The following MAGI1 variants were observed in gnomAD, a reference collection of about 807,000 sequenced individuals.
MAGI1 encodes membrane-associated guanylate kinase, WW and PDZ domain-containing protein 1.
A neutral mutation model predicts 139.9 loss-of-function variants in MAGI1; 58 were observed. That is an observed-to-expected ratio of 0.41 (90% CI 0.34 to 0.52). The LOEUF (loss-of-function observed/expected upper bound fraction) is 0.52, where lower values mean the gene tolerates loss of function less well. MAGI1 is among the 20% of genes least tolerant of loss of function. The pLI, the probability that MAGI1 is intolerant of heterozygous loss-of-function variation, is 0.12. For missense variants in MAGI1, 1,874 were observed against 1,901.6 expected (o/e 0.99, Z 0.27); for synonymous variants, 812 against 737.9 (o/e 1.10, Z -1.63).
At chr3:65,747,041 C>G (rs1306782377) in intron 1 of MAGI1, among the ~76,000 whole-genome samples, 4 of 152,174 alleles carry the variant, frequency 2.6e-5, no homozygotes, top group Non-Finnish European at 5.9e-5. Flanking sequence ...TGGCCAATGT[C>G]TGACATTCCA....
chr3:65,446,555 C>T (rs914413378), intron 7 of MAGI1, among the ~76,000 whole-genome samples: 21 of 75,374 alleles, frequency 2.8e-4, no homozygotes, highest in African/African-American at 1.1e-3. Context: ...CTCCTGTACA[C>T]AGCTGTGCTA....
chr3:65,781,956 G>A (rs1430572570), intron 1 of MAGI1, among the ~76,000 whole-genome samples: 1 of 152,174 alleles, frequency 6.6e-6, no homozygotes, highest in Admixed American at 6.5e-5. Flanking sequence ...TAAACAGAGG[G>A]GTCTCCTGAG....
intron 1 of MAGI1, among the ~76,000 whole-genome samples, chr3:65,805,283 G>C (rs953595387): frequency 2.0e-5 from 3 of 152,068 alleles, no homozygotes; most frequent in Non-Finnish European, 4.4e-5. Context: ...CAAAAGACAA[G>C]AACAGACACT....
intron 1 of MAGI1, among the ~76,000 whole-genome samples, chr3:65,637,675 C>T (rs2084721944): frequency 6.6e-6 from 1 of 152,162 alleles, no homozygotes; most frequent in Admixed American, 6.5e-5. Context: ...TTGATATGCA[C>T]ATGCATATAT....
intron 1 of MAGI1, among the ~76,000 whole-genome samples, chr3:65,697,194 T>C (rs1402139034): frequency 6.6e-6 from 1 of 152,096 alleles, no homozygotes; most frequent in Non-Finnish European, 1.5e-5. Context: ...AATCTCTGAA[T>C]AGACCAATAA....
At chr3:65,476,520 T>C (rs1054993174) in intron 4 of MAGI1, among the ~76,000 whole-genome samples, 1 of 152,194 alleles carries the variant, frequency 6.6e-6, no homozygotes, top group Non-Finnish European at 1.5e-5. Context: ...AGATTGATAG[T>C]AGTTAGAAAC....
At chr3:65,358,769 G>A (rs1367070666) in intron 22 of MAGI1, among the ~76,000 whole-genome samples, 1 of 152,086 alleles carries the variant, frequency 6.6e-6, no homozygotes, top group Non-Finnish European at 1.5e-5. Flanking sequence ...CATGAAACAA[G>A]GTTCATTCTT....
intron 2 of MAGI1, among the ~76,000 whole-genome samples, chr3:65,552,140 G>A (rs1260079105): frequency 3.3e-5 from 5 of 152,208 alleles, no homozygotes; most frequent in African/African-American, 1.2e-4. Flanking sequence ...CTCAAAGGCT[G>A]AGGGTTAGGA....
chr3:65,532,365 C>T (rs998835982), intron 2 of MAGI1, among the ~76,000 whole-genome samples: 4 of 152,178 alleles, frequency 2.6e-5, no homozygotes, highest in Non-Finnish European at 4.4e-5. Context: ...GCATGGACTG[C>T]GACTTAATCT....
At chr3:65,435,475 G>C (rs1462335960) in intron 10 of MAGI1, among the ~76,000 whole-genome samples, 1 of 150,384 alleles carries the variant, frequency 6.6e-6, no homozygotes, top group Non-Finnish European at 1.5e-5. Flanking sequence ...TATGTGGATG[G>C]ATGGATGGAT....
At chr3:65,864,233 A>C (rs1239210803) in intron 1 of MAGI1, among the ~76,000 whole-genome samples, 2 of 152,218 alleles carry the variant, frequency 1.3e-5, no homozygotes, top group African/African-American at 2.4e-5. Flanking sequence ...ACGTATAAAT[A>C]AATAACCTGT....
chr3:65,487,553 A>C (rs1203888796), intron 3 of MAGI1, among the ~76,000 whole-genome samples: 1 of 152,164 alleles, frequency 6.6e-6, no homozygotes, highest in East Asian at 1.9e-4. Flanking sequence ...ATCTGAAGAA[A>C]CTAACTTTAC....
Position 65,407,324 on chromosome 3 carries a change from G to A in MAGI1, c.2168-5854C>T, listed in dbSNP as rs562868558. Among the ~76,000 whole-genome samples the A allele has an allele frequency of 1.1e-3, 164 of 152,100 alleles. 3 individuals carry two copies. The South Asian group carries it at 0.032, about 30-fold the overall frequency. ...TAGCTGGGTGTGGTGGCAGGTACCT[G>A]TAATCCCAGCTACTCGGGAGGCTGA... On this transcript the variant is annotated intron_variant, in intron 12 of 22. Coordinates refer to ENST00000402939, the MANE Select transcript of MAGI1 (RefSeq NM_001033057.2).
At chr3:65,895,689 T>C (rs867457077) in intron 1 of MAGI1, among the ~76,000 whole-genome samples, 1 of 152,210 alleles carries the variant, frequency 6.6e-6, no homozygotes, top group African/African-American at 2.4e-5. Context: ...ATCAAAGTCA[T>C]TGAGATGATG....
chr3:66,014,200 C>T (rs1274467042), intron 1 of MAGI1, among the ~76,000 whole-genome samples: 1 of 152,172 alleles, frequency 6.6e-6, no homozygotes, highest in Non-Finnish European at 1.5e-5. Context: ...AATAATTATA[C>T]CAGAACAACA....
chr3:65,990,227 T>G (rs760329813), intron 1 of MAGI1, among the ~76,000 whole-genome samples: 1 of 151,992 alleles, frequency 6.6e-6, no homozygotes, highest in Admixed American at 6.6e-5. Flanking sequence ...GATCATGAAC[T>G]CAAGTTCAGT....
At chr3:65,630,389 C>A (rs529131876) in intron 1 of MAGI1, among the ~76,000 whole-genome samples, 1 of 152,076 alleles carries the variant, frequency 6.6e-6, no homozygotes, top group Non-Finnish European at 1.5e-5. Flanking sequence ...ATGGCATATG[C>A]AAAAGTTTCG....
rs148500232 is a variant in MAGI1 at position 65,637,969 on chromosome 3, A to C, written c.314-15881T>G. Among the ~76,000 whole-genome samples the C allele has an allele frequency of 9.9e-3, 1,506 of 152,268 alleles. 26 individuals carry two copies. The highest frequency in any genetic ancestry group is 0.034 in the African/African-American group (1,399 of 41,572). On this transcript the variant is annotated intron_variant, in intron 1 of 22. Transcript: ENST00000402939. ...CTTAGCCTAGAATAGAGTCTCTTGG[A>C]CTACAGGAGGAGCTGGCATAGACTA...
intron 1 of MAGI1, among the ~76,000 whole-genome samples, chr3:65,699,766 T>A (rs1412884148): frequency 6.8e-6 from 1 of 146,416 alleles, no homozygotes; most frequent in African/African-American, 2.5e-5. Flanking sequence ...TTGGGAGATA[T>A]ACCTAATGCT....
Sources: allele counts gnomAD v4.1 joint callset (sites outside exome capture counted in the v4.1 genomes callset), GRCh38; gene constraint gnomAD v4.1.1; transcripts MANE v1.5; gene names NCBI Gene and HGNC (gene_info 2026-07-23, HGNC 2026-07-21).